CROCC: variants seen among roughly 807,000 people sequenced by gnomAD.
CROCC encodes the protein rootletin.
A neutral mutation model predicts 245.2 loss-of-function variants in CROCC; 180 were observed. The ratio of observed to expected loss-of-function variants is 0.73; its 90% CI spans 0.65 to 0.83. The LOEUF (loss-of-function observed/expected upper bound fraction) is 0.83, where lower values mean the gene tolerates loss of function less well. CROCC is among the 40% of genes least tolerant of loss of function. CROCC has a pLI of 0.00. For missense variants in CROCC, 2,688 were observed against 2,779.4 expected, an observed-to-expected ratio of 0.97 and a Z score of 0.74; for synonymous variants, 1,205 against 1,241.6, an observed-to-expected ratio of 0.97 and a Z score of 0.62.
chr1:16,972,698 G>A lies in CROCC; in HGVS notation c.*252G>A. The A allele has an allele frequency of 2.9e-6, 1 of 344,420 alleles. No individual in the cohort carries two copies. Among genetic ancestry groups the A allele is most frequent in the Admixed American group, 5.2e-5 (1 of 19,166 alleles). The allele number at this position is 344,420 out of a possible 1,614,324, so 21.3% of individuals were successfully genotyped here. ...AGATCATTAAAGTTCCTCCTTGAGA[G>A]GCTGAGCCGTAGCCAGGATTGGGGA... On this transcript the variant is annotated 3_prime_UTR_variant, in exon 37 of 37. Transcript: ENST00000375541.
At chr1:16,943,839 C>G (rs1281199143) in intron 13 of CROCC, among the ~76,000 whole-genome samples, 1 of 152,296 alleles carries the variant, frequency 6.6e-6, no homozygotes, top group Non-Finnish European at 1.5e-5. Context: ...CCTCTTCTAC[C>G]TGGTAGGGTG....
At chr1:16,920,742 CT>C (rs33965029), upstream of CROCC, among the ~76,000 whole-genome samples, 14,393 of 134,276 alleles carry the variant, frequency 0.11, 9 homozygotes, top group Non-Finnish European at 0.12. Flanking sequence ...GGGACTGTGC[CT>C]TTTTTTTTTT....
At position 16,953,312 on chromosome 1, in the gene CROCC, G is replaced by A; in HGVS notation, c.3017G>A (p.Trp1006Ter). Residue 1006 changes from tryptophan to a stop codon, truncating the protein, a stop_gained, in exon 21 of 37, where the codon TGG (tryptophan) becomes TAG (stop). Coordinates refer to ENST00000375541, the MANE Select transcript of CROCC (RefSeq NM_014675.5). LOFTEE classifies it high-confidence loss of function. ...GTCCTGGCCCCCTAGGAGGCAGCAT[G>A]GCGGGAGCTGGAGGCCGAGCGGGCC... The part of the protein sequence containing the change: ...QRLQREKEAA[W>*]RELEAERAQL... 6.3e-7 allele frequency: 1 copy of A among 1,586,556 alleles called. No homozygotes were observed. The highest frequency in any genetic ancestry group is 2.3e-5 in the East Asian group (1 of 43,630).
intron 12 of CROCC, 67 bp downstream of exon 12, chr1:16,939,209 T>TGGGGGCGGGGGC (rs759437713): frequency 0.012 from 8,528 of 697,270 alleles, no homozygotes; most frequent in African/African-American, 0.062. Context: ...GCCCTCCGGG[T>TGGGGGCGGGGGC]GGGGGCGGGG....
chr1:16,922,139 T>C (rs1261196646), intron 1 of CROCC, 61 bp downstream of exon 1: 11 of 1,414,432 alleles, frequency 7.8e-6, no homozygotes, highest in African/African-American at 5.7e-5. Flanking sequence ...TTAACAGGAG[T>C]GGTGAGAGGT....
chr1:16,969,218 A>G lies in CROCC; in HGVS notation c.5179A>G (p.Lys1727Glu), dbSNP rs2076470777. 1.2e-6 allele frequency: 2 copies of G among 1,611,274 alleles called. No homozygotes were observed. The highest frequency in any genetic ancestry group is 2.2e-5 in the East Asian group (1 of 44,862). ...GGAAAGCGAGGGGGCCCTGCGGGAC[A>G]AGGTGCGGGGCCTGACAGAGGCCCT... ...VEESEGALRDKVRGLTEALAQ... is the reference protein window; with the variant it reads ...VEESEGALRDEVRGLTEALAQ... Residue 1727 changes from lysine to glutamate, a missense_variant, in exon 32 of 37, where the codon AAG becomes GAG. Lys to Glu is a moderately conservative substitution (Grantham distance 56, BLOSUM62 1). This residue lies in a region of CROCC where 1,218 missense variants were observed against 1,286.3 expected (regional missense o/e 0.95). Coordinates refer to ENST00000375541, the MANE Select transcript of CROCC (RefSeq NM_014675.5).
In CROCC at chr1:16,939,874, T is replaced by A; in HGVS notation, c.1609-20T>A. Reference sequence around the variant, plus strand: ...AGGCCTCTCAGGCCCCCCCAGACTCTGTGACCCCCCACACCCCAGGACATG... The same window carrying A: ...AGGCCTCTCAGGCCCCCCCAGACTCAGTGACCCCCCACACCCCAGGACATG... On this transcript the variant is annotated intron_variant, in intron 12 of 36. Transcript: ENST00000375541. 1 of 1,610,822 alleles carries A rather than the reference T, an allele frequency of 6.2e-7. No individual in the cohort carries two copies. The highest frequency in any genetic ancestry group is 8.5e-7 in the Non-Finnish European group (1 of 1,179,102).
At position 16,931,445 on chromosome 1, in the gene CROCC, C is replaced by T. The variant is rs570748248; in HGVS notation, c.956+48C>T. The T allele has an allele frequency of 1.6e-4, 244 of 1,504,714 alleles. No homozygotes were observed. The African/African-American group carries it at 3.0e-3, about 18-fold the overall frequency. 93.2% of individuals were successfully genotyped at this position (1,504,714 alleles called of 1,614,324 possible). A position where few individuals can be genotyped will look rare whatever the true frequency, so the allele number is the denominator to read the frequency against. On this transcript the variant is annotated intron_variant, in intron 8 of 36. Transcript: ENST00000375541. ...GCAGCAGCTGAGAGCCAGCCCTGCT[C>T]TTTATGTCCAACTGAACTCAGTTGA...
At chr1:16,927,720 C>T (rs759489671) in intron 3 of CROCC, among the ~76,000 whole-genome samples, 1 of 152,292 alleles carries the variant, frequency 6.6e-6, no homozygotes, top group Non-Finnish European at 1.5e-5. Flanking sequence ...GTGTGGCTGC[C>T]TCAGGCCACC....
intron 2 of CROCC, among the ~76,000 whole-genome samples, chr1:16,923,966 C>T (rs376843702): frequency 8.5e-5 from 13 of 152,252 alleles, no homozygotes; most frequent in African/African-American, 2.7e-4. Flanking sequence ...AGGCGTGAGT[C>T]CGTGCCCGCC....
intron 35 of CROCC, among the ~76,000 whole-genome samples, chr1:16,971,214 T>A (rs2076512286): frequency 7.3e-5 from 1 of 13,696 alleles, no homozygotes; most frequent in Non-Finnish European, 1.7e-4. Flanking sequence ...TGTCTGAGTG[T>A]GTGTGTGTGT....
In CROCC at chr1:16,930,010, T is replaced by C. The variant is rs748463836; in HGVS notation, c.516T>C (p.Leu172=). The C allele has an allele frequency of 1.3e-6, 2 of 1,579,408 alleles. No homozygotes were observed. The highest frequency in any genetic ancestry group is 1.7e-6 in the Non-Finnish European group (2 of 1,166,634). The change falls in exon 4 of 37, where the codon CTT becomes CTC. Residue 172 remains leucine (L), a synonymous_variant. Coordinates refer to ENST00000375541, the MANE Select transcript of CROCC (RefSeq NM_014675.5). ...AGGGCCAGCAGCGGCAGGCCCAGCTTGTGCAGCGGCTGCAGGGCAAGGTCA... is the reference window on the plus strand; with the variant it reads ...AGGGCCAGCAGCGGCAGGCCCAGCTCGTGCAGCGGCTGCAGGGCAAGGTCA... ...YQEGQQRQAQ[L]VQRLQGKILQ... is the part of the protein sequence containing the mutation.
intron 31 of CROCC, 69 bp from the exon 32 acceptor site, chr1:16,969,047 C>A: frequency 6.9e-7 from 1 of 1,445,212 alleles, no homozygotes; most frequent in Non-Finnish European, 9.5e-7. Context: ...AGGTGGAGGT[C>A]ACAGTGGGAG....
At chr1:16,933,715 G>A (rs7412538) in intron 8 of CROCC, among the ~76,000 whole-genome samples, 21,687 of 149,740 alleles carry the variant, frequency 0.14, 912 homozygotes, top group South Asian at 0.2. Flanking sequence ...ACAGGAGTGC[G>A]CCACCACGCC....
At chr1:16,957,933 G>A (rs544567678) in intron 25 of CROCC, among the ~76,000 whole-genome samples, 25 of 152,264 alleles carry the variant, frequency 1.6e-4, no homozygotes, top group Admixed American at 1.3e-3. Context: ...TTTGCTGGAC[G>A]CGTTGCATGC....
At chr1:16,952,133 C>T (rs962604922) in intron 20 of CROCC, among the ~76,000 whole-genome samples, 4 of 151,102 alleles carry the variant, frequency 2.6e-5, no homozygotes, top group African/African-American at 7.3e-5. Flanking sequence ...GTAATCTGCC[C>T]ACCTCGGCCT....
At chr1:16,953,094 A>G (rs1158733156) in intron 20 of CROCC, 1 of 566,038 alleles carries the variant, frequency 1.8e-6, no homozygotes, top group African/African-American at 1.9e-5. Flanking sequence ...CCATGTTCGG[A>G]CCCCCAGGCC....
rs1217293768 is a variant in CROCC at position 16,930,207 on chromosome 1, G to A, written c.621G>A (p.Arg207=). ...GAGAGCTGGAGCAGCAGCGGCTGAG[G>A]GTGGGTGCCAGTGTGGGGCAGGGGC... ...RSGELEQQRL[R]DTEHSQDLES... The change falls in exon 5 of 37, where the codon AGG becomes AGA. Residue 207 remains arginine, a splice_region_variant and synonymous_variant. Transcript: ENST00000375541. 3.8e-6 allele frequency: 6 copies of A among 1,589,404 alleles called. No individual in the cohort carries two copies. Among genetic ancestry groups the A allele is most frequent in the Non-Finnish European group, 5.1e-6 (6 of 1,168,690 alleles).
intron 33 of CROCC, 28 bp from the exon 34 acceptor site, chr1:16,970,225 T>G (rs938038286): frequency 6.6e-7 from 1 of 1,521,644 alleles, no homozygotes; most frequent in East Asian, 2.5e-5. Flanking sequence ...CCCAGAGGGA[T>G]TCGGGGCCTG....
Sources: allele counts gnomAD v4.1 joint callset (sites outside exome capture counted in the v4.1 genomes callset), GRCh38; gene constraint gnomAD v4.1.1; regional missense constraint gnomAD v4.1.1; transcripts MANE v1.5; gene names NCBI Gene and HGNC (gene_info 2026-07-23, HGNC 2026-07-21).